The following ACP6 variants were observed in gnomAD, a reference collection of about 807,000 sequenced individuals.
The protein encoded by ACP6 is acid phosphatase 6, lysophosphatidic.
A neutral mutation model predicts 48.1 loss-of-function variants in ACP6; 48 were observed. That is an observed-to-expected ratio of 1.00 (90% CI 0.79 to 1.27). The LOEUF (loss-of-function observed/expected upper bound fraction) is 1.27. ACP6 is among the 50% of genes most tolerant of loss of function. The pLI, the probability that ACP6 is intolerant of heterozygous loss-of-function variation, is 0.00. For synonymous variants in ACP6, 172 were observed against 204.2 expected, an observed-to-expected ratio of 0.84 and a Z score of 1.34; for missense variants, 485 against 529.1, an observed-to-expected ratio of 0.92 and a Z score of 0.82.
At chr1:147,658,153 C>G (rs1660350723) in intron 4 of ACP6, among the ~76,000 whole-genome samples, 1 of 152,184 alleles carries the variant, frequency 6.6e-6, no homozygotes, top group Non-Finnish European at 1.5e-5. Flanking sequence ...AGTATCCAAC[C>G]CAGTTGAGGG....
intron 1 of ACP6, among the ~76,000 whole-genome samples, chr1:147,661,222 C>T (rs1660529086): frequency 6.6e-6 from 1 of 152,102 alleles, no homozygotes; most frequent in Non-Finnish European, 1.5e-5. Context: ...AAACGTCTGC[C>T]TCCTGGAGTG....
chr1:147,657,896 TG>T (rs1660338666), intron 4 of ACP6, among the ~76,000 whole-genome samples: 1 of 152,252 alleles, frequency 6.6e-6, no homozygotes, highest in Non-Finnish European at 1.5e-5. Context: ...ATTCCCAGTC[TG>T]GGACCTGCCT....
chr1:147,654,268 T>C lies in ACP6; in HGVS notation c.706A>G (p.Lys236Glu). 1 of 1,614,196 alleles carries C rather than the reference T, an allele frequency of 6.2e-7. No homozygotes were observed. The highest frequency in any genetic ancestry group is 1.3e-5 in the African/African-American group (1 of 75,050). Residue 236 changes from lysine (K) to glutamate (E), a missense_variant, in exon 6 of 10, where the codon AAG becomes GAG. Lys to Glu is a moderately conservative substitution (Grantham distance 56). Transcript: ENST00000583509. ...CTACTGTCAATGCCCATCCTGTCCT[T>C]CACCTTTTTCAAATCCTCTGAGATT... ...PGISEDLKKVKDRMGIDSSDK... is the reference protein window; with the variant it reads ...PGISEDLKKVEDRMGIDSSDK...
At chr1:147,666,684 G>T (rs1478236948) in intron 1 of ACP6, among the ~76,000 whole-genome samples, 1 of 152,112 alleles carries the variant, frequency 6.6e-6, no homozygotes, top group African/African-American at 2.4e-5. Context: ...ACATTATCTG[G>T]ATACCCCGGA....
At chr1:147,637,801 T>A, downstream of ACP6, among the ~76,000 whole-genome samples, 1 of 152,222 alleles carries the variant, frequency 6.6e-6, no homozygotes, top group East Asian at 1.9e-4. Context: ...AAAACTGATA[T>A]CAGCACAAAC....
At chr1:147,638,826 G>A (rs1553208317), downstream of ACP6, among the ~76,000 whole-genome samples, 1 of 152,132 alleles carries the variant, frequency 6.6e-6, no homozygotes, top group Non-Finnish European at 1.5e-5. Flanking sequence ...TTCACCATCA[G>A]TGTGGCACAG....
At chr1:147,658,426 G>T (rs1416815382) in intron 4 of ACP6, among the ~76,000 whole-genome samples, 1 of 152,156 alleles carries the variant, frequency 6.6e-6, no homozygotes, top group Non-Finnish European at 1.5e-5. Context: ...ATCCATGAGG[G>T]AAAATAATTA....
At chr1:147,656,111 C>T (rs1660244843) in intron 4 of ACP6, among the ~76,000 whole-genome samples, 1 of 152,170 alleles carries the variant, frequency 6.6e-6, no homozygotes, top group African/African-American at 2.4e-5. Context: ...ATAGTCAGAA[C>T]CAAGGGCTTT....
chr1:147,646,136 G>A lies in ACP6; in HGVS notation c.*1287C>T, dbSNP rs1659615082. On this transcript the variant is annotated 3_prime_UTR_variant, in exon 10 of 10. Transcript: ENST00000583509. ...ATGGGAAGGGGATGCTGAAGATTGA[G>A]GATAAAGATATGTGAATAGATTAAA... The A allele has an allele frequency of 6.6e-6, 1 of 152,140 alleles. No individual in the cohort carries two copies. Among genetic ancestry groups the A allele is most frequent in the South Asian group, 2.1e-4 (1 of 4,830 alleles). 9.4% of individuals were successfully genotyped at this position (152,140 alleles called of 1,614,324 possible). A position where few individuals can be genotyped will look rare whatever the true frequency, so the allele number is the denominator to read the frequency against.
Position 147,646,394 on chromosome 1 carries a change from A to G in ACP6, c.*1029T>C, listed in dbSNP as rs1428874786. 1 of 152,210 alleles carries G rather than the reference A, an allele frequency of 6.6e-6. No individual in the cohort carries two copies. The highest frequency in any genetic ancestry group is 2.4e-5 in the African/African-American group (1 of 41,448). 9.4% of individuals were successfully genotyped at this position (152,210 alleles called of 1,614,324 possible). ...TGGATAAAAGTGTCTGAAGCTCAGA[A>G]GAGAAACCTGAGCTTGAGATATCTC... On this transcript the variant is annotated 3_prime_UTR_variant, in exon 10 of 10. Coordinates refer to ENST00000583509, the MANE Select transcript of ACP6 (RefSeq NM_016361.5).
chr1:147,659,499 T>G lies in ACP6; in HGVS notation c.376A>C (p.Lys126Gln). ...GCAAACATTTGCTGCATGCCCACCT[T>G]GGTCAGCTGCCCAGCAAACATGCCC... The part of the protein sequence containing the change: ...KGGMFAGQLT[K>Q]VGMQQMFALG... The change falls in exon 3 of 10, where the codon AAG becomes CAG. Residue 126 changes from lysine to glutamine, a missense_variant. Transcript: ENST00000583509. 1 of 1,614,210 alleles carries G rather than the reference T, an allele frequency of 6.2e-7. No individual in the cohort carries two copies. Among genetic ancestry groups the G allele is most frequent in the South Asian group, 1.1e-5 (1 of 91,086 alleles).
Position 147,652,506 on chromosome 1 carries a change from C to T in ACP6, c.824G>A (p.Arg275Lys), listed in dbSNP as rs782285962. 2.8e-5 allele frequency: 45 copies of T among 1,613,940 alleles called. No individual in the cohort carries two copies. Among genetic ancestry groups the T allele is most frequent in the South Asian group, 5.5e-5 (5 of 91,072 alleles). Residue 275 changes from arginine (R) to lysine (K), a missense_variant, in exon 7 of 10, where the codon AGG becomes AAG. Arg to Lys is a conservative substitution (Grantham distance 26). Coordinates refer to ENST00000583509, the MANE Select transcript of ACP6 (RefSeq NM_016361.5). ...GTCCACAGCTCTCTGTTCGATCATC[C>T]TTGCAAATCTCTTCAGCATGGGGCA... The part of the protein sequence containing the change: ...PSCPMLKRFA[R>K]MIEQRAVDTS...
In ACP6 at chr1:147,652,524, A is replaced by G. The variant is rs1217587670; in HGVS notation, c.806T>C (p.Met269Thr). 1 of 1,614,108 alleles carries G rather than the reference A, an allele frequency of 6.2e-7. No individual in the cohort carries two copies. The highest frequency in any genetic ancestry group is 2.2e-5 in the East Asian group (1 of 44,868). ...EQAHNLPSCP[M>T]LKRFARMIEQ... ...GATCATCCTTGCAAATCTCTTCAGC[A>G]TGGGGCAGCTTGGGAGGTTGTGTGC... Residue 269 changes from methionine (M) to threonine (T), a missense_variant, in exon 7 of 10, where the codon ATG becomes ACG. Transcript: ENST00000583509.
downstream of ACP6, among the ~76,000 whole-genome samples, chr1:147,639,533 T>C (rs1659395239): frequency 1.3e-5 from 2 of 152,114 alleles, no homozygotes; most frequent in South Asian, 2.1e-4. Flanking sequence ...CTCCCCTTAA[T>C]TACACACTCA....
intron 7 of ACP6, chr1:147,652,135 T>TG (rs781981757): frequency 2.2e-4 from 64 of 289,930 alleles, no homozygotes; most frequent in South Asian, 5.6e-4. Flanking sequence ...AAGACAGAAA[T>TG]GAATATTCTT....
At position 147,644,427 on chromosome 1, in the gene ACP6, T is replaced by C. The variant is rs1366513193; in HGVS notation, c.*2996A>G. 2.0e-5 allele frequency: 3 copies of C among 152,142 alleles called. No individual in the cohort carries two copies. Among genetic ancestry groups the C allele is most frequent in the African/African-American group, 7.2e-5 (3 of 41,418 alleles). The allele number at this position is 152,142 out of a possible 1,614,324, so 9.4% of individuals were successfully genotyped here. A position where few individuals can be genotyped will look rare whatever the true frequency, so the allele number is the denominator to read the frequency against. Reference sequence around the variant, plus strand: ...ATTATGACTGGCCCTTAGTTTGAGATGAGAAACCAATGGGGAATTTAGAGC... The same window carrying C: ...ATTATGACTGGCCCTTAGTTTGAGACGAGAAACCAATGGGGAATTTAGAGC... On this transcript the variant is annotated 3_prime_UTR_variant, in exon 10 of 10. Coordinates refer to ENST00000583509, the MANE Select transcript of ACP6 (RefSeq NM_016361.5).
At chr1:147,652,866 G>C (rs1266653476) in intron 6 of ACP6, among the ~76,000 whole-genome samples, 1 of 82,546 alleles carries the variant, frequency 1.2e-5, no homozygotes, top group Non-Finnish European at 2.7e-5. Flanking sequence ...CCGCTCTGTC[G>C]CCCAGGCTGG....
At chr1:147,653,623 CA>C (rs1257783313) in intron 6 of ACP6, among the ~76,000 whole-genome samples, 1 of 152,148 alleles carries the variant, frequency 6.6e-6, no homozygotes, top group African/African-American at 2.4e-5. Context: ...TTAGGGTACA[CA>C]GTCATTTTAT....
chr1:147,656,717 G>A (rs587661858), intron 4 of ACP6, among the ~76,000 whole-genome samples: 2 of 152,230 alleles, frequency 1.3e-5, no homozygotes, highest in Admixed American at 6.5e-5. Flanking sequence ...GTTACTACAA[G>A]AATTAAACAA....
Sources: gnomAD v4.1 joint callset for allele counts (sites outside exome capture counted in the v4.1 genomes callset) on GRCh38, gnomAD v4.1.1 for gene constraint, MANE v1.5 for transcripts, NCBI Gene and HGNC (gene_info 2026-07-23, HGNC 2026-07-21) for gene names.